Variants in ENTPD1 observed in about 807,000 individuals in gnomAD.
ENTPD1 encodes the protein ATP diphosphohydrolase.
A neutral mutation model predicts 57.0 loss-of-function variants in ENTPD1; 33 were observed. The observed-to-expected ratio is 0.58, with a 90% confidence interval of 0.44 to 0.77. The LOEUF is 0.77. Ranked by LOEUF, ENTPD1 falls within the 30% of genes least tolerant of loss-of-function variation. The pLI, the probability that ENTPD1 is intolerant of heterozygous loss-of-function variation, is 0.00. For synonymous variants in ENTPD1, 202 were observed against 218.8 expected, an observed-to-expected ratio of 0.92 and a Z score of 0.68; for missense variants, 501 against 603.4, an observed-to-expected ratio of 0.83 and a Z score of 1.78.
At chr10:95,766,327 T>C (rs751848884) in intron 1 of ENTPD1, among the ~76,000 whole-genome samples, 37 of 152,222 alleles carry the variant, frequency 2.4e-4, no homozygotes, top group Admixed American at 6.5e-5. Flanking sequence ...TAGAATACTT[T>C]CAATTGTAGT....
In ENTPD1 at chr10:95,867,762, C is replaced by T; in HGVS notation, c.*1379C>T. 1 of 985,464 alleles carries T rather than the reference C, an allele frequency of 1.0e-6. No individual in the cohort carries two copies. Among genetic ancestry groups the T allele is most frequent in the Non-Finnish European group, 1.2e-6 (1 of 829,932 alleles). The allele number at this position is 985,464 out of a possible 1,614,324, so 61.0% of individuals were successfully genotyped here. On this transcript the variant is annotated 3_prime_UTR_variant, in exon 10 of 10. Transcript: ENST00000371205. ...TCTGACCTTGTCCCAAGCTCTCCATCTCTAGATCTGGGGACTGACTGTTGA... is the reference window on the plus strand; with the variant it reads ...TCTGACCTTGTCCCAAGCTCTCCATTTCTAGATCTGGGGACTGACTGTTGA...
intron 1 of ENTPD1, among the ~76,000 whole-genome samples, chr10:95,757,599 T>A (rs1176703910): frequency 1.3e-5 from 2 of 152,202 alleles, no homozygotes; most frequent in Admixed American, 1.3e-4. Flanking sequence ...TTGGTGCTCA[T>A]GGCCATTCTC....
chr10:95,836,445 C>CT (rs980848238), intron 2 of ENTPD1, among the ~76,000 whole-genome samples: 1 of 151,934 alleles, frequency 6.6e-6, no homozygotes, highest in Non-Finnish European at 1.5e-5. Context: ...TCTTAAACAT[C>CT]TTTTTTTACT....
chr10:95,793,472 C>A (rs146346523), intron 1 of ENTPD1, among the ~76,000 whole-genome samples: 6 of 152,316 alleles, frequency 3.9e-5, no homozygotes, highest in African/African-American at 1.2e-4. Context: ...GCTCTTCAGT[C>A]TCTTTCTCCC....
upstream of ENTPD1, among the ~76,000 whole-genome samples, chr10:95,711,193 A>G (rs2097965261): frequency 6.6e-6 from 1 of 152,218 alleles, no homozygotes; most frequent in Non-Finnish European, 1.5e-5. Context: ...AACTGGCCAT[A>G]AAGAAATGAT....
chr10:95,816,748 G>C (rs1376628267), intron 1 of ENTPD1, among the ~76,000 whole-genome samples: 2 of 152,186 alleles, frequency 1.3e-5, no homozygotes, highest in Non-Finnish European at 2.9e-5. Context: ...CCAGATTTAT[G>C]AAAGAATACA....
chr10:95,711,809 T>C, exon 1 of ENTPD1: 3 of 1,058,686 alleles, frequency 2.8e-6, no homozygotes, highest in Non-Finnish European at 2.9e-6. Context: ...TCAAATAAAT[T>C]TGTATGCCTT....
At chr10:95,707,676 C>T (rs1286363663), upstream of ENTPD1, among the ~76,000 whole-genome samples, 2 of 152,178 alleles carry the variant, frequency 1.3e-5, no homozygotes, top group African/African-American at 4.8e-5. Context: ...GCAATCTTGG[C>T]TCACTGCAAC....
intron 7 of ENTPD1, among the ~76,000 whole-genome samples, chr10:95,859,153 A>G (rs939682127): frequency 2.6e-5 from 4 of 152,252 alleles, no homozygotes; most frequent in Non-Finnish European, 5.9e-5. Flanking sequence ...ATGTATAAGA[A>G]TATTGAAAAA....
intron 7 of ENTPD1, among the ~76,000 whole-genome samples, chr10:95,859,632 G>C (rs559262901): frequency 6.6e-6 from 1 of 152,104 alleles, no homozygotes; most frequent in African/African-American, 2.4e-5. Flanking sequence ...ACTGGAGTTG[G>C]GGTTTGAATT....
At chr10:95,852,685 G>T (rs570520066) in intron 7 of ENTPD1, among the ~76,000 whole-genome samples, 2 of 152,246 alleles carry the variant, frequency 1.3e-5, no homozygotes, top group East Asian at 1.9e-4. Flanking sequence ...TATTAAATAG[G>T]GAATCCTTTC....
At chr10:95,838,366 T>C (rs2098415533) in intron 2 of ENTPD1, among the ~76,000 whole-genome samples, 1 of 152,232 alleles carries the variant, frequency 6.6e-6, no homozygotes, top group African/African-American at 2.4e-5. Flanking sequence ...TGAATGTTTC[T>C]GGCAGCTATA....
chr10:95,756,423 CTT>C, intron 1 of ENTPD1, 168 bp downstream of exon 1: 3 of 786,622 alleles, frequency 3.8e-6, no homozygotes, highest in Non-Finnish European at 6.1e-6. Flanking sequence ...CTTTGGGAAA[CTT>C]TTTAGGAAGC....
In ENTPD1 at chr10:95,868,405, A is replaced by C; in HGVS notation, c.*2022A>C. On this transcript the variant is annotated 3_prime_UTR_variant, in exon 10 of 10. Transcript: ENST00000371205. ...ATTCTGTTCATGTGCTTTGGATGGA[A>C]GCACATCTGGCATATGATGCTAATC... The C allele has an allele frequency of 1.0e-6, 1 of 985,432 alleles. No homozygotes were observed. Among genetic ancestry groups the C allele is most frequent in the Non-Finnish European group, 1.2e-6 (1 of 829,926 alleles). The allele number at this position is 985,432 out of a possible 1,614,324, so 61.0% of individuals were successfully genotyped here.
chr10:95,850,857 T>C (rs1341561420), intron 7 of ENTPD1, among the ~76,000 whole-genome samples: 1 of 152,246 alleles, frequency 6.6e-6, no homozygotes. Flanking sequence ...TTTCCAGAAC[T>C]AGTTAGCCTG....
chr10:95,718,550 C>T (rs1009382280), intron 1 of ENTPD1, among the ~76,000 whole-genome samples: 8 of 152,044 alleles, frequency 5.3e-5, no homozygotes, highest in African/African-American at 1.9e-4. Flanking sequence ...GGTGTTCCCT[C>T]GGAAGTTAGG....
chr10:95,783,980 T>G (rs2098167745), intron 1 of ENTPD1, among the ~76,000 whole-genome samples: 1 of 151,880 alleles, frequency 6.6e-6, no homozygotes, highest in Non-Finnish European at 1.5e-5. Context: ...GGGTAGAAAA[T>G]CTATGCAAAA....
chr10:95,834,886 G>A (rs2098405729), intron 2 of ENTPD1, among the ~76,000 whole-genome samples: 1 of 151,576 alleles, frequency 6.6e-6, no homozygotes, highest in Non-Finnish European at 1.5e-5. Context: ...TGTGATCACT[G>A]CACTCCAGCC....
At chr10:95,848,228 C>T (rs889330978) in intron 7 of ENTPD1, among the ~76,000 whole-genome samples, 3 of 152,112 alleles carry the variant, frequency 2.0e-5, no homozygotes, top group African/African-American at 7.2e-5. Flanking sequence ...TCTGCCTGTC[C>T]CCAGGGATAT....
Sources: allele counts gnomAD v4.1 joint callset (sites outside exome capture counted in the v4.1 genomes callset), GRCh38; gene constraint gnomAD v4.1.1; transcripts MANE v1.5; gene names NCBI Gene and HGNC (gene_info 2026-07-23, HGNC 2026-07-21).